The following LBP variants were observed in gnomAD, a reference collection of about 807,000 sequenced individuals.
LBP encodes lipopolysaccharide binding protein.
Under a neutral mutation model 56.6 loss-of-function variants are expected in LBP, and 53 were observed. The observed-to-expected ratio is 0.94, with a 90% CI of 0.75 to 1.18. The LOEUF is 1.18. Ranked by LOEUF, LBP falls within the 50% of genes most tolerant of loss-of-function variation. LBP has a pLI of 0.00. For synonymous variants in LBP, 227 were observed against 247.5 expected (o/e 0.92, Z 0.78); for missense variants, 601 against 598.3 (o/e 1.00, Z -0.05).
At chr20:38,363,495 G>A (rs962550632) in intron 6 of LBP, among the ~76,000 whole-genome samples, 2 of 152,178 alleles carry the variant, frequency 1.3e-5, no homozygotes, top group Non-Finnish European at 2.9e-5. Flanking sequence ...GTTCTCTGAT[G>A]CCTTAGCTCC....
chr20:38,356,704 A>G (rs16987261), intron 5 of LBP, among the ~76,000 whole-genome samples: 7,849 of 152,202 alleles, frequency 0.052, 639 homozygotes, highest in African/African-American at 0.18. Context: ...TACCATAATT[A>G]TTGTTTTGAT....
chr20:38,360,366 C>T (rs1488910839), intron 5 of LBP, among the ~76,000 whole-genome samples: 1 of 152,024 alleles, frequency 6.6e-6, no homozygotes, highest in Non-Finnish European at 1.5e-5. Context: ...TCTGAGAGGC[C>T]AGGACCTCCC....
At chr20:38,356,416 ACG>A (rs1279644185) in intron 5 of LBP, among the ~76,000 whole-genome samples, 7 of 62,380 alleles carry the variant, frequency 1.1e-4, no homozygotes, top group African/African-American at 5.9e-4. Context: ...CACCACACAC[ACG>A]CGCACACACA....
Position 38,376,923 on chromosome 20 carries a change from G to A in LBP, c.*254G>A, listed in dbSNP as rs776288338. On this transcript the variant is annotated 3_prime_UTR_variant, in exon 15 of 15. Transcript: ENST00000217407. ...TGGCCTGGGATATCTTTACAAGCAG[G>A]CACTGTATTTTTTTATTCGCCATCT... The A allele has an allele frequency of 2.3e-5, 15 of 645,674 alleles. No homozygotes were observed. The highest frequency in any genetic ancestry group is 2.3e-4 in the South Asian group (15 of 66,428). The allele number at this position is 645,674 out of a possible 1,614,324, so 40.0% of individuals were successfully genotyped here. A position where few individuals can be genotyped will look rare whatever the true frequency, so the allele number is the denominator to read the frequency against.
chr20:38,376,772 C>A lies in LBP; in HGVS notation c.*103C>A. ...TTCTTGAAGAATGAAGACATTTCTG[C>A]TCTCAGCTCCGGGGGTGAGGTGTGC... On this transcript the variant is annotated 3_prime_UTR_variant, in exon 15 of 15. Transcript: ENST00000217407. 3 of 1,182,266 alleles carry A rather than the reference C, an allele frequency of 2.5e-6. No homozygotes were observed. Among genetic ancestry groups the A allele is most frequent in the Non-Finnish European group, 3.8e-6 (3 of 796,186 alleles). The allele number at this position is 1,182,266 out of a possible 1,614,324, so 73.2% of individuals were successfully genotyped here.
At chr20:38,356,912 G>A (rs1484244342) in intron 5 of LBP, among the ~76,000 whole-genome samples, 2 of 152,016 alleles carry the variant, frequency 1.3e-5, no homozygotes, top group Non-Finnish European at 2.9e-5. Flanking sequence ...CTGGAGTGCA[G>A]TGGCGCGACC....
intron 14 of LBP, among the ~76,000 whole-genome samples, chr20:38,376,397 G>A (rs1048504380): frequency 3.9e-5 from 6 of 152,194 alleles, no homozygotes; most frequent in Admixed American, 2.0e-4. Context: ...CTGCCGGGCA[G>A]CAGCAGCTCG....
In LBP at chr20:38,353,054, C is replaced by T. The variant is rs748288887; in HGVS notation, c.369-1230C>T. 1.3e-4 allele frequency among the ~76,000 whole-genome samples: 20 copies of T among 152,090 alleles called. No homozygotes were observed. The Middle Eastern group carries it at 9.5e-3, about 72-fold the overall frequency. On this transcript the variant is annotated intron_variant, in intron 3 of 14. Transcript: ENST00000217407. ...GTTCTAGTTCCATGAAAGGAACTGG[C>T]CACACTCTCTTACCCTGGCTTTTGT...
intron 8 of LBP, 70 bp from the exon 9 acceptor site, chr20:38,366,699 C>G (rs2076883256): frequency 7.0e-7 from 1 of 1,434,052 alleles, no homozygotes; most frequent in Admixed American, 1.7e-5. Context: ...CCCCCTGTCT[C>G]CCCAATCTTC....
chr20:38,349,011 T>C (rs1600721275), intron 1 of LBP, among the ~76,000 whole-genome samples: 1 of 151,996 alleles, frequency 6.6e-6, no homozygotes, highest in South Asian at 2.1e-4. Context: ...GCCAGGCTGG[T>C]CTCGAACTCC....
chr20:38,356,736 T>G (rs1005355826), intron 5 of LBP, among the ~76,000 whole-genome samples: 2 of 152,248 alleles, frequency 1.3e-5, no homozygotes, highest in East Asian at 1.9e-4. Flanking sequence ...ATTAATGCTG[T>G]ACAGAATATA....
chr20:38,360,841 A>G, intron 6 of LBP, 74 bp downstream of exon 6: 1 of 1,164,382 alleles, frequency 8.6e-7, no homozygotes, highest in Admixed American at 2.0e-5. Context: ...TATCTTATAA[A>G]ATAGTAAATG....
chr20:38,364,719 A>G lies in LBP; in HGVS notation c.888A>G (p.Glu296=). ...FNTASLVYHE[E]GYLNFSITDD... is the part of the protein sequence containing the mutation. ...CGGCCAGCCTGGTTTATCATGAGGAAGGATATCTGAACTTCTCCATCACAG... is the reference window on the plus strand; with the variant it reads ...CGGCCAGCCTGGTTTATCATGAGGAGGGATATCTGAACTTCTCCATCACAG... The change falls in exon 8 of 15, where the codon GAA becomes GAG. Residue 296 remains glutamate (E), a synonymous_variant. Transcript: ENST00000217407. 6.2e-7 allele frequency: 1 copy of G among 1,613,446 alleles called. No individual in the cohort carries two copies. Among genetic ancestry groups the G allele is most frequent in the Non-Finnish European group, 8.5e-7 (1 of 1,179,634 alleles).
intron 3 of LBP, among the ~76,000 whole-genome samples, chr20:38,352,696 G>A (rs960713876): frequency 4.6e-5 from 7 of 152,056 alleles, no homozygotes; most frequent in African/African-American, 1.2e-4. Flanking sequence ...CGGAGGTTGC[G>A]GTGAGCCAAG....
At chr20:38,372,665 C>G (rs1399154957) in intron 12 of LBP, among the ~76,000 whole-genome samples, 1 of 152,122 alleles carries the variant, frequency 6.6e-6, no homozygotes, top group Non-Finnish European at 1.5e-5. Context: ...ATCAGACATG[C>G]ACGTAAAGCT....
At chr20:38,356,484 G>A (rs912957097) in intron 5 of LBP, among the ~76,000 whole-genome samples, 3 of 149,890 alleles carry the variant, frequency 2.0e-5, no homozygotes, top group African/African-American at 7.4e-5. Context: ...CCTCTGGTTT[G>A]GCTTTGAGTG....
chr20:38,361,127 AC>A (rs2076858692), intron 6 of LBP, among the ~76,000 whole-genome samples: 1 of 150,812 alleles, frequency 6.6e-6, no homozygotes. Context: ...ACGCCATTGC[AC>A]CCTACCCTGG....
intron 2 of LBP, 97 bp downstream of exon 2, chr20:38,349,759 TG>T: frequency 1.2e-6 from 1 of 857,184 alleles, no homozygotes; most frequent in Non-Finnish European, 1.8e-6. Context: ...GATTGGGCTG[TG>T]GGGGGACCTC....
intron 12 of LBP, 61 bp from the exon 13 acceptor site, chr20:38,373,011 C>A: frequency 1.4e-6 from 2 of 1,425,512 alleles, no homozygotes; most frequent in Non-Finnish European, 9.9e-7. Context: ...TATGTTGGCA[C>A]ACACAGAACC....
Sources: gnomAD v4.1 joint callset for allele counts (sites outside exome capture counted in the v4.1 genomes callset) on GRCh38, gnomAD v4.1.1 for gene constraint, MANE v1.5 for transcripts, NCBI Gene and HGNC (gene_info 2026-07-23, HGNC 2026-07-21) for gene names.